C9orf72: variants seen among roughly 807,000 people sequenced by gnomAD.
The protein encoded by C9orf72 is guanine nucleotide exchange factor C9orf72.
In C9orf72, 44 loss-of-function variants were observed where a neutral mutation model predicts 51.6. The ratio of observed to expected loss-of-function variants is 0.85; its 90% CI spans 0.67 to 1.10. The LOEUF is 1.10. Ranked by LOEUF, C9orf72 falls within the 50% of genes least tolerant of loss-of-function variation. The pLI is 0.00. For missense variants in C9orf72, 607 were observed against 570.6 expected (o/e 1.06, Z -0.65); for synonymous variants, 213 against 194.2 (o/e 1.10, Z -0.81).
At chr9:27,569,894 A>C (rs1203553296) in intron 1 of C9orf72, among the ~76,000 whole-genome samples, 2 of 152,240 alleles carry the variant, frequency 1.3e-5, no homozygotes. Flanking sequence ...ATTTTACTTA[A>C]AGAATTTCAT....
intron 8 of C9orf72, among the ~76,000 whole-genome samples, chr9:27,551,601 T>A (rs1587300483): frequency 6.6e-6 from 1 of 152,200 alleles, no homozygotes; most frequent in South Asian, 2.1e-4. Flanking sequence ...CAAGTTTCCT[T>A]ATCTTAAGAA....
chr9:27,556,719 A>G lies in C9orf72; in HGVS notation c.933T>C (p.Asp311=). The stretch of plus-strand genomic sequence containing the variant: ...GTGGCATCTGCTTCACAGTATTGAC[A>G]TCCACATCTATGTGTGTGGTGGGAT... The part of the protein sequence containing the change: ...APYPTTHIDV[D]VNTVKQMPPC... Residue 311 remains aspartate (D), a synonymous_variant, in exon 8 of 11, where the codon GAT becomes GAC. Coordinates refer to ENST00000380003, the MANE Select transcript of C9orf72 (RefSeq NM_018325.5). The G allele has an allele frequency of 6.2e-7, 1 of 1,613,952 alleles. No individual in the cohort carries two copies. Among genetic ancestry groups the G allele is most frequent in the Non-Finnish European group, 8.5e-7 (1 of 1,179,814 alleles).
rs1820796073 is a variant in C9orf72, at chr9:27,547,671, C to A, written c.*565G>T. 1 of 152,480 alleles carries A rather than the reference C, an allele frequency of 6.6e-6. No individual in the cohort carries two copies. The highest frequency in any genetic ancestry group is 1.5e-5 in the Non-Finnish European group (1 of 68,024). 9.4% of individuals were successfully genotyped at this position (152,480 alleles called of 1,614,324 possible). ...ACAGACTGAATCCCAGGGACTAAAT[C>A]CACAAAGTAGGATCTAATAATCAAT... On this transcript the variant is annotated 3_prime_UTR_variant, in exon 11 of 11. Coordinates refer to ENST00000380003, the MANE Select transcript of C9orf72 (RefSeq NM_018325.5).
In C9orf72 at chr9:27,571,893, A is replaced by C. The variant is rs189010667; in HGVS notation, c.-45+1538T>G. 1.4e-3 allele frequency among the ~76,000 whole-genome samples: 209 copies of C among 152,362 alleles called. 2 individuals are homozygous for C. Among genetic ancestry groups the C allele is most frequent in the Admixed American group, 2.5e-3 (39 of 15,310 alleles). On this transcript the variant is annotated intron_variant, in intron 1 of 10. Transcript: ENST00000380003. ...AACTGTTTACAGTACCAGAAAGTTC[A>C]CAACACTTTCTCAATCTTCAACATC...
intron 3 of C9orf72, among the ~76,000 whole-genome samples, chr9:27,565,238 A>AT (rs945348694): frequency 7.2e-5 from 11 of 151,812 alleles, no homozygotes; most frequent in Non-Finnish European, 1.2e-4. Context: ...ATCAGAGACA[A>AT]TTTTTTTTAT....
intron 1 of C9orf72, among the ~76,000 whole-genome samples, chr9:27,567,948 C>T (rs527874138): frequency 1.4e-4 from 22 of 152,198 alleles, no homozygotes; most frequent in South Asian, 2.1e-4. Flanking sequence ...ACTTTGATTT[C>T]GGACTTCTAG....
chr9:27,549,052 C>T (rs1458748481), intron 9 of C9orf72, among the ~76,000 whole-genome samples: 1 of 152,138 alleles, frequency 6.6e-6, no homozygotes, highest in African/African-American at 2.4e-5. Flanking sequence ...ACCATGTTGG[C>T]AGGATGGTCT....
upstream of C9orf72, chr9:27,573,844 T>C (rs1475603093): frequency 3.9e-5 from 6 of 152,244 alleles, no homozygotes; most frequent in African/African-American, 1.4e-4. Context: ...CTCTCTTTCC[T>C]AGCGGGACAC....
rs557046517 is a variant in C9orf72, at chr9:27,572,939, T to A, written c.-45+492A>T. 4.5e-4 allele frequency among the ~76,000 whole-genome samples: 69 copies of A among 152,280 alleles called. No homozygotes were observed. In the South Asian group the frequency reaches 0.014, roughly 32 times the overall value. ...TCTCTAGAAGCTTGGGCTGAAATTGTGCAGGCGTCTCCACACCCCCATCTC... is the reference window on the plus strand; with the variant it reads ...TCTCTAGAAGCTTGGGCTGAAATTGAGCAGGCGTCTCCACACCCCCATCTC... On this transcript the variant is annotated intron_variant, in intron 1 of 10. Transcript: ENST00000380003.
chr9:27,554,252 C>G (rs1820965527), intron 8 of C9orf72, among the ~76,000 whole-genome samples: 1 of 152,104 alleles, frequency 6.6e-6, no homozygotes, highest in Non-Finnish European at 1.5e-5. Flanking sequence ...ATAACAAAGA[C>G]AGGGAATCAA....
Position 27,567,662 on chromosome 9 carries a change from G to A in C9orf72, c.-44-498C>T, listed in dbSNP as rs370454155. On this transcript the variant is annotated intron_variant, in intron 1 of 10. Coordinates refer to ENST00000380003, the MANE Select transcript of C9orf72 (RefSeq NM_018325.5). ...GTTCAATTCCTAACCCTTGGTGTAC[G>A]TGAATGTGACCTTATCTAGAAATAA... 3.9e-5 allele frequency among the ~76,000 whole-genome samples: 6 copies of A among 152,272 alleles called. No individual in the cohort carries two copies. In the South Asian group the frequency reaches 1.0e-3, roughly 26 times the overall value.
chr9:27,566,101 T>G lies in C9orf72; in HGVS notation c.445-511A>C, dbSNP rs192623241. ...CTGGAACACAGGAAGGAGAATTCAA[T>G]GTGTTCTTTAGATACATCAAAACTA... On this transcript the variant is annotated intron_variant, in intron 2 of 10. Coordinates refer to ENST00000380003, the MANE Select transcript of C9orf72 (RefSeq NM_018325.5). Among the ~76,000 whole-genome samples the G allele has an allele frequency of 3.9e-5, 6 of 152,292 alleles. No individual in the cohort carries two copies. The East Asian group carries it at 1.2e-3, about 29-fold the overall frequency.
At chr9:27,548,706 C>T (rs1820835514) in intron 9 of C9orf72, 40 bp from the exon 10 acceptor site, 1 of 1,156,342 alleles carries the variant, frequency 8.6e-7, no homozygotes, top group African/African-American at 1.5e-5. Flanking sequence ...AATTTGCTCA[C>T]ATTCTACTCG....
chr9:27,572,045 G>C (rs941997042), intron 1 of C9orf72, among the ~76,000 whole-genome samples: 2 of 152,202 alleles, frequency 1.3e-5, no homozygotes, highest in Non-Finnish European at 2.9e-5. Flanking sequence ...AATAGAACCC[G>C]AGGGCAGACT....
chr9:27,549,577 C>T (rs1315191748), intron 9 of C9orf72, among the ~76,000 whole-genome samples: 1 of 151,932 alleles, frequency 6.6e-6, no homozygotes, highest in Non-Finnish European at 1.5e-5. Context: ...AGTTTCCTGG[C>T]CTGATCCCCA....
chr9:27,560,368 A>T, intron 5 of C9orf72, 69 bp from the exon 6 acceptor site: 1 of 1,190,032 alleles, frequency 8.4e-7, no homozygotes, highest in Admixed American at 2.4e-5. Flanking sequence ...AAACAAAAAA[A>T]AGTAGGTGAG....
intron 5 of C9orf72, 34 bp from the exon 6 acceptor site, chr9:27,560,333 C>T (rs1819313186): frequency 1.3e-6 from 2 of 1,523,760 alleles, no homozygotes; most frequent in South Asian, 1.2e-5. Context: ...AAAAACATTG[C>T]CTATAAAACA....
intron 9 of C9orf72, 89 bp from the exon 10 acceptor site, chr9:27,548,755 G>A (rs1465729015): frequency 1.4e-6 from 1 of 723,566 alleles, no homozygotes; most frequent in Non-Finnish European, 2.5e-6. Context: ...GTGCTTGGCA[G>A]ACAATACACA....
At chr9:27,549,268 T>A (rs1820854885) in intron 9 of C9orf72, among the ~76,000 whole-genome samples, 1 of 152,266 alleles carries the variant, frequency 6.6e-6, no homozygotes, top group African/African-American at 2.4e-5. Context: ...TTCGTATTAC[T>A]TAATTTTTTC....
Sources: gnomAD v4.1 joint callset for allele counts (sites outside exome capture counted in the v4.1 genomes callset) on GRCh38, gnomAD v4.1.1 for gene constraint, MANE v1.5 for transcripts, NCBI Gene and HGNC (gene_info 2026-07-23, HGNC 2026-07-21) for gene names.